The following MEGF11 variants were observed in gnomAD, a reference collection of about 807,000 sequenced individuals.
The protein encoded by MEGF11 is multiple epidermal growth factor-like domains protein 11.
MEGF11 carries 126 observed loss-of-function variants against 146.6 expected under a neutral mutation model. The ratio of observed to expected loss-of-function variants is 0.86; its 90% CI spans 0.74 to 1.00. MEGF11 has a LOEUF of 1.00. Among genes scored for constraint, MEGF11 ranks in the 50% least tolerant of loss-of-function variants. MEGF11 has a pLI of 0.00. For missense variants in MEGF11, 1,509 were observed against 1,521.2 expected (o/e 0.99, Z 0.13); for synonymous variants, 532 against 583.4 (o/e 0.91, Z 1.27).
chr15:66,039,817 G>C (rs1240440697), intron 5 of MEGF11, among the ~76,000 whole-genome samples: 24 of 55,880 alleles, frequency 4.3e-4, no homozygotes, highest in South Asian at 1.5e-3. Flanking sequence ...TGACGGTCCT[G>C]AGCCGGGTCA....
chr15:65,930,385 G>A lies in MEGF11; in HGVS notation c.1408+438C>T, dbSNP rs138549309. ...GAGACCGGCCCACAGACTGGAGAGC[G>A]GGAGCAGGAGAGACAGGTGTGTCCT... On this transcript the variant is annotated intron_variant, in intron 11 of 25. Coordinates refer to ENST00000395614, the MANE Select transcript of MEGF11 (RefSeq NM_001385028.1). 3.6e-3 allele frequency among the ~76,000 whole-genome samples: 542 copies of A among 152,250 alleles called. 2 individuals carry two copies. The highest frequency in any genetic ancestry group is 0.013 in the African/African-American group (524 of 41,550).
chr15:66,134,273 G>A (rs1402691805), intron 1 of MEGF11, among the ~76,000 whole-genome samples: 5 of 152,048 alleles, frequency 3.3e-5, no homozygotes, highest in Non-Finnish European at 1.5e-5. Context: ...ACCGCCTCCT[G>A]CTCGCCCCAA....
At chr15:66,017,147 A>C (rs1230432022) in intron 5 of MEGF11, among the ~76,000 whole-genome samples, 1 of 152,132 alleles carries the variant, frequency 6.6e-6, no homozygotes, top group Non-Finnish European at 1.5e-5. Flanking sequence ...GAGGAGGGGG[A>C]AGCCACACAG....
intron 5 of MEGF11, among the ~76,000 whole-genome samples, chr15:66,059,024 G>T (rs948048209): frequency 6.6e-6 from 1 of 152,128 alleles, no homozygotes; most frequent in African/African-American, 2.4e-5. Flanking sequence ...CTAGGAGTCT[G>T]GGGGTGAGTA....
intron 10 of MEGF11, among the ~76,000 whole-genome samples, chr15:65,956,069 G>T (rs1414266194): frequency 6.6e-6 from 1 of 152,004 alleles, no homozygotes; most frequent in East Asian, 1.9e-4. Context: ...TGGATCAGTG[G>T]ATCTCCATCT....
At chr15:66,022,589 C>A (rs1440753640) in intron 5 of MEGF11, among the ~76,000 whole-genome samples, 5 of 152,192 alleles carry the variant, frequency 3.3e-5, no homozygotes, top group Non-Finnish European at 7.3e-5. Flanking sequence ...GTTTGGGATG[C>A]TGAGGCAGAT....
intron 1 of MEGF11, among the ~76,000 whole-genome samples, chr15:66,153,106 C>T (rs140688796): frequency 1.8e-3 from 270 of 152,312 alleles, no homozygotes; most frequent in African/African-American, 6.4e-3. Context: ...TTTTTGCTTC[C>T]CACCCAGTCT....
intron 5 of MEGF11, among the ~76,000 whole-genome samples, chr15:65,984,450 C>T (rs569387889): frequency 6.0e-5 from 8 of 133,068 alleles, no homozygotes; most frequent in East Asian, 2.4e-4. Flanking sequence ...TGCTTGAACC[C>T]GGGAGGCAGA....
chr15:66,110,642 C>A (rs1048841208), intron 4 of MEGF11, among the ~76,000 whole-genome samples: 1 of 152,158 alleles, frequency 6.6e-6, no homozygotes, highest in South Asian at 2.1e-4. Context: ...GGATGTTGTT[C>A]TTCTAGGCAG....
At chr15:65,947,091 T>TTCTTA (rs2080222056) in intron 10 of MEGF11, among the ~76,000 whole-genome samples, 1 of 152,232 alleles carries the variant, frequency 6.6e-6, no homozygotes, top group African/African-American at 2.4e-5. Context: ...ATTGTTAGTT[T>TTCTTA]TCTTATTAGC....
intron 5 of MEGF11, among the ~76,000 whole-genome samples, chr15:65,998,960 G>T (rs2082278639): frequency 6.6e-6 from 1 of 152,156 alleles, no homozygotes; most frequent in Non-Finnish European, 1.5e-5. Context: ...GGTAGAAGTG[G>T]CCCAGGCCTC....
At chr15:66,101,690 G>A (rs1436422602) in intron 4 of MEGF11, among the ~76,000 whole-genome samples, 3 of 152,222 alleles carry the variant, frequency 2.0e-5, no homozygotes, top group Non-Finnish European at 4.4e-5. Flanking sequence ...ATCTGAATCT[G>A]CAGAGGCTCC....
At chr15:65,945,096 A>G (rs1219628657) in intron 10 of MEGF11, among the ~76,000 whole-genome samples, 1 of 152,184 alleles carries the variant, frequency 6.6e-6, no homozygotes, top group Admixed American at 6.5e-5. Flanking sequence ...GGGTTTCACC[A>G]CATTGGCTAG....
intron 5 of MEGF11, among the ~76,000 whole-genome samples, chr15:66,025,453 G>A (rs1384402443): frequency 6.6e-6 from 1 of 152,158 alleles, no homozygotes; most frequent in Non-Finnish European, 1.5e-5. Flanking sequence ...GACTTGAGGC[G>A]AGGAGGTCCA....
intron 5 of MEGF11, among the ~76,000 whole-genome samples, chr15:66,040,000 C>T (rs547135275): frequency 1.3e-5 from 2 of 149,364 alleles, no homozygotes; most frequent in Non-Finnish European, 3.0e-5. Context: ...CCGGGTCAGG[C>T]GGCGGTGGGG....
chr15:66,140,439 C>G (rs970088833), intron 1 of MEGF11, among the ~76,000 whole-genome samples: 1 of 152,200 alleles, frequency 6.6e-6, no homozygotes, highest in Admixed American at 6.5e-5. Flanking sequence ...TCCAGCTTCT[C>G]TCAGTTGCTT....
chr15:66,088,018 AAAG>A (rs1259151440), intron 5 of MEGF11, among the ~76,000 whole-genome samples: 1 of 152,258 alleles, frequency 6.6e-6, no homozygotes, highest in Middle Eastern at 3.2e-3. Context: ...CAGAAATACA[AAAG>A]AACATTGAAG....
At chr15:66,022,919 G>A (rs1413841024) in intron 5 of MEGF11, among the ~76,000 whole-genome samples, 4 of 151,662 alleles carry the variant, frequency 2.6e-5, no homozygotes, top group Middle Eastern at 3.2e-3. Context: ...GGAGGCTGAC[G>A]GGTGGGGTGG....
At chr15:66,234,161 A>C (rs2092036826) in intron 1 of MEGF11, among the ~76,000 whole-genome samples, 2 of 151,926 alleles carry the variant, frequency 1.3e-5, no homozygotes, top group African/African-American at 4.8e-5. Context: ...GGCCTCCCAA[A>C]GTGCTGGGAT....
Sources: allele counts gnomAD v4.1 joint callset (sites outside exome capture counted in the v4.1 genomes callset), GRCh38; gene constraint gnomAD v4.1.1; transcripts MANE v1.5; gene names NCBI Gene and HGNC (gene_info 2026-07-23, HGNC 2026-07-21).